FSD1L: variants seen among roughly 807,000 people sequenced by gnomAD.
The protein encoded by FSD1L is fibronectin type III and SPRY domain containing 1 like, also known as FSD1-like protein.
FSD1L carries 45 observed loss-of-function variants against 71.6 expected under a neutral mutation model. The ratio of observed to expected loss-of-function variants is 0.63; its 90% CI spans 0.49 to 0.81. The LOEUF (loss-of-function observed/expected upper bound fraction) is 0.81, where lower values mean the gene tolerates loss of function less well. Ranked by LOEUF, FSD1L falls within the 30% of genes least tolerant of loss-of-function variation. The pLI is 0.00. For missense variants in FSD1L, 561 were observed against 618.1 expected (o/e 0.91, Z 0.98); for synonymous variants, 197 against 207.2 (o/e 0.95, Z 0.42).
At chr9:105,463,447 T>C (rs1452788661) in intron 2 of FSD1L, among the ~76,000 whole-genome samples, 1 of 152,214 alleles carries the variant, frequency 6.6e-6, no homozygotes, top group African/African-American at 2.4e-5. Context: ...TGCTGTCCAA[T>C]ATGATAGCAT....
intron 6 of FSD1L, among the ~76,000 whole-genome samples, chr9:105,481,176 T>TGTGTGTGTGTGTGTGTGTGTGG (rs1454412244): frequency 9.7e-5 from 12 of 123,188 alleles, no homozygotes; most frequent in East Asian, 2.6e-4. Flanking sequence ...TGTGTGTGTG[T>TGTGTGTGTGTGTGTGTGTGTGG]GTGGTTCTTT....
rs141998555 is a variant in FSD1L at position 105,450,456 on chromosome 9, T to C, written c.15+2221T>C. 4.1e-3 allele frequency among the ~76,000 whole-genome samples: 631 copies of C among 152,320 alleles called. 6 individuals carry two copies. The highest frequency in any genetic ancestry group is 0.014 in the African/African-American group (598 of 41,572). On this transcript the variant is annotated intron_variant, in intron 1 of 13. Transcript: ENST00000481272. ...CTGTATGAGCTGGGATAGTTTGCTCTGTCTCCATTTCTTCATCTGTAAAAC... is the reference window on the plus strand; with the variant it reads ...CTGTATGAGCTGGGATAGTTTGCTCCGTCTCCATTTCTTCATCTGTAAAAC...
intron 13 of FSD1L, among the ~76,000 whole-genome samples, chr9:105,545,289 G>A (rs1836918403): frequency 6.8e-6 from 1 of 146,326 alleles, no homozygotes; most frequent in South Asian, 2.2e-4. Context: ...CTGAGACTTT[G>A]CTGAAGTTGC....
At chr9:105,450,534 C>CTTTTTTTTTTTTTTTTTTTTTT (rs35115121) in intron 1 of FSD1L, among the ~76,000 whole-genome samples, 7 of 137,948 alleles carry the variant, frequency 5.1e-5, no homozygotes, top group African/African-American at 1.9e-4. Flanking sequence ...GGATTGTGTT[C>CTTTTTTTTTTTTTTTTTTTTTT]TTTTTTTTTT....
At position 105,506,318 on chromosome 9, in the gene FSD1L, A is replaced by G. The variant is rs1834046055; in HGVS notation, c.587-81A>G. ...GCATAATGAAAAAGCAGTTTGAATG[A>G]TATAAATGTGATATCAATATTTGAT... On this transcript the variant is annotated intron_variant, in intron 7 of 13. Transcript: ENST00000481272. 4 of 1,064,592 alleles carry G rather than the reference A, an allele frequency of 3.8e-6. No individual in the cohort carries two copies. In the South Asian group the frequency reaches 5.9e-5, roughly 16 times the overall value. 65.9% of individuals were successfully genotyped at this position (1,064,592 alleles called of 1,614,324 possible). A position where few individuals can be genotyped will look rare whatever the true frequency, so the allele number is the denominator to read the frequency against.
At chr9:105,535,424 A>C in intron 12 of FSD1L, 106 bp downstream of exon 12, 1 of 1,200,888 alleles carries the variant, frequency 8.3e-7, no homozygotes, top group South Asian at 1.5e-5. Flanking sequence ...TGGGAAGGAC[A>C]TTTTGATCAG....
chr9:105,538,619 A>T (rs1836414366), intron 12 of FSD1L, among the ~76,000 whole-genome samples: 1 of 152,064 alleles, frequency 6.6e-6, no homozygotes, highest in Non-Finnish European at 1.5e-5. Context: ...CTATTGAAGG[A>T]TATACTGTGA....
At chr9:105,523,701 A>G (rs1835327621) in intron 10 of FSD1L, 9 of 1,599,120 alleles carry the variant, frequency 5.6e-6, no homozygotes, top group Non-Finnish European at 7.7e-6. Flanking sequence ...ACATGCATAT[A>G]AACTTATTGG....
Position 105,457,193 on chromosome 9 carries a change from G to A in FSD1L, c.16-4327G>A, listed in dbSNP as rs539633236. On this transcript the variant is annotated intron_variant, in intron 1 of 13. Transcript: ENST00000481272. ...TTTTAGGACAGAGGTTATAGGTAGAGAAACTGATAAGTGAGAGGGCTCCTA... is the reference window on the plus strand; with the variant it reads ...TTTTAGGACAGAGGTTATAGGTAGAAAAACTGATAAGTGAGAGGGCTCCTA... Among the ~76,000 whole-genome samples the A allele has an allele frequency of 3.8e-4, 58 of 152,342 alleles. 1 individual carries two copies. In the South Asian group the frequency reaches 0.012, roughly 32 times the overall value.
chr9:105,483,940 T>C (rs1832370988), intron 6 of FSD1L, among the ~76,000 whole-genome samples: 1 of 152,164 alleles, frequency 6.6e-6, no homozygotes, highest in African/African-American at 2.4e-5. Context: ...ATAGCTCTTA[T>C]TACTAGGGAG....
At chr9:105,530,509 T>A (rs2131467597) in intron 10 of FSD1L, 1 of 670,862 alleles carries the variant, frequency 1.5e-6, no homozygotes, top group Non-Finnish European at 2.7e-6. Flanking sequence ...ACTGGTAAGT[T>A]ACAAATTTTT....
chr9:105,450,777 T>A (rs542771139), intron 1 of FSD1L, among the ~76,000 whole-genome samples: 1 of 152,014 alleles, frequency 6.6e-6, no homozygotes, highest in African/African-American at 2.4e-5. Context: ...ACTCAGGTGA[T>A]CCGCCAGCCT....
chr9:105,496,937 T>C (rs1476334933), intron 7 of FSD1L, among the ~76,000 whole-genome samples: 1 of 152,240 alleles, frequency 6.6e-6, no homozygotes, highest in Non-Finnish European at 1.5e-5. Flanking sequence ...CCTTGCCTTG[T>C]TCCTGAACTT....
Position 105,452,928 on chromosome 9 carries a change from G to A in FSD1L, c.15+4693G>A, listed in dbSNP as rs1023445217. On this transcript the variant is annotated intron_variant, in intron 1 of 13. Coordinates refer to ENST00000481272, the MANE Select transcript of FSD1L (RefSeq NM_001145313.3). ...ATTTTTGTGTTTTTTGTAGAGACAG[G>A]GTTTTGCCATGTTGTCCAGGCTAGC... Among the ~76,000 whole-genome samples, 4 of 151,836 alleles carry A rather than the reference G, an allele frequency of 2.6e-5. No individual in the cohort carries two copies. The South Asian group carries it at 6.3e-4, about 24-fold the overall frequency.
Position 105,471,897 on chromosome 9 carries a change from T to TC in FSD1L, c.340-4dup, listed in dbSNP as rs11421948. ...TAATGACTTAGTTTTTTTTTTTTTTTCCCTAGAGTCAGATTAGTCAATGTA... is the reference window on the plus strand; with the variant it reads ...TAATGACTTAGTTTTTTTTTTTTTTTCCCCTAGAGTCAGATTAGTCAATGTA... On this transcript the variant is annotated splice_region_variant and splice_polypyrimidine_tract_variant and intron_variant, in intron 4 of 13. Coordinates refer to ENST00000481272, the MANE Select transcript of FSD1L (RefSeq NM_001145313.3). 7.7e-5 allele frequency: 87 copies of TC among 1,133,132 alleles called. No homozygotes were observed. The East Asian group carries it at 1.2e-3, about 15-fold the overall frequency. 70.2% of individuals were successfully genotyped at this position (1,133,132 alleles called of 1,614,324 possible).
chr9:105,539,336 A>G lies in FSD1L; in HGVS notation c.1452A>G (p.Val484=), dbSNP rs1312311672. The G allele has an allele frequency of 2.7e-6, 4 of 1,466,984 alleles. No homozygotes were observed. Among genetic ancestry groups the G allele is most frequent in the Non-Finnish European group, 3.7e-6 (4 of 1,085,286 alleles). 90.9% of individuals were successfully genotyped at this position (1,466,984 alleles called of 1,614,324 possible). ...TTAAGACAAAATTTACTCAGCCAGT[A>G]CTACCTGGTTTCATGGTTAGTATGT... ...YSFKTKFTQP[V]LPGFMVWCGG... is the part of the protein sequence containing the mutation. Residue 484 remains valine (V), a synonymous_variant, in exon 13 of 14, where the codon GTA becomes GTG. Coordinates refer to ENST00000481272, the MANE Select transcript of FSD1L (RefSeq NM_001145313.3).
intron 7 of FSD1L, among the ~76,000 whole-genome samples, chr9:105,491,813 G>A (rs1308285047): frequency 6.6e-5 from 10 of 152,174 alleles, no homozygotes; most frequent in South Asian, 4.2e-4. Flanking sequence ...ATTGATTTGC[G>A]TATATTGAAC....
At chr9:105,522,902 T>C in intron 10 of FSD1L, 2 of 1,610,316 alleles carry the variant, frequency 1.2e-6, no homozygotes, top group Non-Finnish European at 1.7e-6. Context: ...AGATGCGCCC[T>C]ATTGATGACC....
intron 7 of FSD1L, among the ~76,000 whole-genome samples, chr9:105,486,926 C>T (rs936524224): frequency 2.6e-5 from 4 of 152,080 alleles, no homozygotes; most frequent in Admixed American, 2.0e-4. Context: ...CAGTCTATGC[C>T]TGTAAAAGTG....
Sources: allele counts gnomAD v4.1 joint callset (sites outside exome capture counted in the v4.1 genomes callset), GRCh38; gene constraint gnomAD v4.1.1; transcripts MANE v1.5; gene names NCBI Gene and HGNC (gene_info 2026-07-23, HGNC 2026-07-21).